Variants in PSMD3 observed in about 807,000 individuals in gnomAD.
The protein encoded by PSMD3 is proteasome 26S subunit, non-ATPase 3.
A neutral mutation model predicts 62.8 loss-of-function variants in PSMD3; 5 were observed. That is an observed-to-expected ratio of 0.08 (90% CI 0.04 to 0.17). The LOEUF (loss-of-function observed/expected upper bound fraction) is 0.17, where lower values mean the gene tolerates loss of function less well. Ranked by LOEUF, PSMD3 falls within the 10% of genes least tolerant of loss-of-function variation. The pLI is 1.00. For missense variants in PSMD3, 524 were observed against 713.6 expected, an observed-to-expected ratio of 0.73 and a Z score of 3.03; for synonymous variants, 265 against 283.9, an observed-to-expected ratio of 0.93 and a Z score of 0.67.
chr17:39,986,476 C>T lies in PSMD3; in HGVS notation c.412-99C>T, dbSNP rs1406851014. 5 of 1,407,280 alleles carry T rather than the reference C, an allele frequency of 3.6e-6. No homozygotes were observed. The Admixed American group carries it at 7.4e-5, about 21-fold the overall frequency. 87.2% of individuals were successfully genotyped at this position (1,407,280 alleles called of 1,614,324 possible). A position where few individuals can be genotyped will look rare whatever the true frequency, so the allele number is the denominator to read the frequency against. On this transcript the variant is annotated intron_variant, in intron 2 of 11. Transcript: ENST00000264639. ...TAACAAAATCTTGGCACATGGTAGACACTCAATAAATATGTTGAAATACAT... is the reference window on the plus strand; with the variant it reads ...TAACAAAATCTTGGCACATGGTAGATACTCAATAAATATGTTGAAATACAT...
rs754304339 is a variant in PSMD3 at position 39,996,692 on chromosome 17, G to C, written c.1476+354G>C. 4.0e-5 allele frequency: 20 copies of C among 494,602 alleles called. No homozygotes were observed. Among genetic ancestry groups the C allele is most frequent in the African/African-American group, 7.7e-5 (4 of 51,680 alleles). 30.6% of individuals were successfully genotyped at this position (494,602 alleles called of 1,614,324 possible). A position where few individuals can be genotyped will look rare whatever the true frequency, so the allele number is the denominator to read the frequency against. ...TAGGGAGGTGTTACCTGTCTTGCTT[G>C]CTTCACAGGGTTGGTAAGATTAAAA... On this transcript the variant is annotated intron_variant, in intron 10 of 11. Transcript: ENST00000264639. This position sits in a 1 kb window ranked among gnomAD's most constrained non-coding sequence, Gnocchi z 5.1.
rs758895520 is a variant in PSMD3, at chr17:39,995,331, A to C, written c.1216+36A>C. Reference sequence around the variant, plus strand: ...GGATCTGAGGGGCTGTTGGAGGAGCAGAAGCCAGGCCAGGGCAAACCTAGT... The same window carrying C: ...GGATCTGAGGGGCTGTTGGAGGAGCCGAAGCCAGGCCAGGGCAAACCTAGT... On this transcript the variant is annotated intron_variant, in intron 8 of 11. Coordinates refer to ENST00000264639, the MANE Select transcript of PSMD3 (RefSeq NM_002809.4). The surrounding 1 kb of genome is among the most constrained non-coding windows in gnomAD (Gnocchi z 4.1). The C allele has an allele frequency of 1.5e-5, 24 of 1,614,116 alleles. No homozygotes were observed. The highest frequency in any genetic ancestry group is 1.9e-5 in the Non-Finnish European group (22 of 1,179,994).
intron 6 of PSMD3, 127 bp from the exon 7 acceptor site, chr17:39,994,827 T>C: frequency 2.6e-6 from 2 of 781,182 alleles, no homozygotes; most frequent in Non-Finnish European, 2.1e-6. Context: ...TCCTCCTCTC[T>C]CTGGGCCTAA....
In PSMD3 at chr17:39,986,612, G is replaced by A. The variant is rs762214384; in HGVS notation, c.449G>A (p.Arg150His). The change falls in exon 3 of 12, where the codon CGC becomes CAC. Residue 150 changes from arginine (R) to histidine (H), a missense_variant. Arg to His is a conservative substitution (Grantham distance 29, BLOSUM62 0). Coordinates refer to ENST00000264639, the MANE Select transcript of PSMD3 (RefSeq NM_002809.4). ...DTEADLQFRP[R>H]TGKAASTPLL... ...GAGGCTGATTTACAGTTCCGTCCCCGCACGGGAAAAGCTGCGTCGACACCC... is the reference window on the plus strand; with the variant it reads ...GAGGCTGATTTACAGTTCCGTCCCCACACGGGAAAAGCTGCGTCGACACCC... The A allele has an allele frequency of 5.0e-6, 8 of 1,614,046 alleles. No homozygotes were observed. The highest frequency in any genetic ancestry group is 6.8e-6 in the Non-Finnish European group (8 of 1,180,028).
chr17:39,986,372 C>T (rs1446479256), intron 2 of PSMD3, among the ~76,000 whole-genome samples: 2 of 152,168 alleles, frequency 1.3e-5, no homozygotes, highest in Non-Finnish European at 1.5e-5. Flanking sequence ...CTGGCACTAC[C>T]GGCGTGAGCC....
At chr17:39,994,904 T>C (rs1980744154) in intron 6 of PSMD3, 50 bp from the exon 7 acceptor site, 3 of 1,524,702 alleles carry the variant, frequency 2.0e-6, no homozygotes, top group Non-Finnish European at 2.7e-6. Context: ...ATTTTCTTCT[T>C]CCGCCCATGG....
intron 2 of PSMD3, among the ~76,000 whole-genome samples, chr17:39,985,318 G>A (rs779194686): frequency 7.9e-5 from 12 of 152,220 alleles, no homozygotes; most frequent in Admixed American, 2.0e-4. Flanking sequence ...GGACTTGGGC[G>A]AGTGACTTCA....
At chr17:39,984,199 CAAA>C (rs34306234) in intron 1 of PSMD3, 92 bp from the exon 2 acceptor site, 7,105 of 314,694 alleles carry the variant, frequency 0.023, no homozygotes, top group Middle Eastern at 0.033. Flanking sequence ...GACTCCGTCT[CAAA>C]AAAAAAAAAA....
In PSMD3 at chr17:39,984,327, C is replaced by G; in HGVS notation, c.254C>G (p.Ala85Gly). The G allele has an allele frequency of 6.2e-7, 1 of 1,613,262 alleles. No homozygotes were observed. The highest frequency in any genetic ancestry group is 8.5e-7 in the Non-Finnish European group (1 of 1,179,860). Reference protein sequence around the residue: ...IKEHVKQLEKAVSGKEPRFVL... With the variant: ...IKEHVKQLEKGVSGKEPRFVL... Reference sequence around the variant, plus strand: ...GAGCACGTGAAACAGCTAGAGAAAGCGGTTTCAGGCAAGGAGCCGAGATTC... The same window carrying G: ...GAGCACGTGAAACAGCTAGAGAAAGGGGTTTCAGGCAAGGAGCCGAGATTC... The change falls in exon 2 of 12, where the codon GCG becomes GGG. Residue 85 changes from alanine to glycine, a missense_variant. By Grantham distance (60) the Ala-to-Gly change is moderately conservative. Coordinates refer to ENST00000264639, the MANE Select transcript of PSMD3 (RefSeq NM_002809.4).
At chr17:39,983,094 G>A (rs1229301693) in intron 1 of PSMD3, among the ~76,000 whole-genome samples, 1 of 151,430 alleles carries the variant, frequency 6.6e-6, no homozygotes, top group African/African-American at 2.4e-5. Flanking sequence ...GTGCAATGGC[G>A]CGATCTCGGC....
In PSMD3 at chr17:39,980,957, T is replaced by A. The variant is rs751655059; in HGVS notation, c.-14T>A. On this transcript the variant is annotated 5_prime_UTR_variant, in exon 1 of 12. Coordinates refer to ENST00000264639, the MANE Select transcript of PSMD3 (RefSeq NM_002809.4). Reference sequence around the variant, plus strand: ...CGGCCTCGGTCCCCGGACTAGGCCGTGACCCCGGGTGCCATGAAGCAGGAG... The same window carrying A: ...CGGCCTCGGTCCCCGGACTAGGCCGAGACCCCGGGTGCCATGAAGCAGGAG... 13 of 1,519,162 alleles carry A rather than the reference T, an allele frequency of 8.6e-6. No homozygotes were observed. In the Admixed American group the frequency reaches 2.9e-4, roughly 34 times the overall value. 94.1% of individuals were successfully genotyped at this position (1,519,162 alleles called of 1,614,324 possible).
chr17:39,991,916 T>A (rs144189137), intron 6 of PSMD3, among the ~76,000 whole-genome samples: 3 of 151,868 alleles, frequency 2.0e-5, no homozygotes, highest in African/African-American at 7.2e-5. Flanking sequence ...TCCCAGCTAC[T>A]TGGGAGGCTG....
At chr17:39,981,916 C>T (rs1980395985) in intron 1 of PSMD3, among the ~76,000 whole-genome samples, 1 of 152,206 alleles carries the variant, frequency 6.6e-6, no homozygotes, top group East Asian at 1.9e-4. Context: ...TTTCGAGTGT[C>T]TGTAGTCCTC....
chr17:39,995,049 C>T lies in PSMD3; in HGVS notation c.1077C>T (p.Pro359=), dbSNP rs985089395. ...RQPSLKRSLM[P]YFLLTQAVRT... is the part of the protein sequence containing the mutation. ...CCTCCCTCAAGCGCTCACTCATGCC[C>T]TATTTCCTTCTGACTCAAGGTAAGG... is the stretch of plus-strand genomic sequence containing the variant. Residue 359 remains proline (P), a synonymous_variant, in exon 7 of 12, where the codon CCC becomes CCT. Transcript: ENST00000264639. The surrounding 1 kb of genome is among the most constrained non-coding windows in gnomAD (Gnocchi z 4.1). 8 of 1,614,150 alleles carry T rather than the reference C, an allele frequency of 5.0e-6. No individual in the cohort carries two copies. The highest frequency in any genetic ancestry group is 6.8e-6 in the Non-Finnish European group (8 of 1,180,036).
Position 39,990,146 on chromosome 17 carries a change from C to T in PSMD3, c.930C>T (p.Thr310=). 6.2e-7 allele frequency: 1 copy of T among 1,614,038 alleles called. No individual in the cohort carries two copies. Among genetic ancestry groups the T allele is most frequent in the Non-Finnish European group, 8.5e-7 (1 of 1,180,022 alleles). ...ACTCAGAGGCCCGGAGAACGATGACCAACGCCCTTCGCAAGGCCCCTCAGC... is the reference window on the plus strand; with the variant it reads ...ACTCAGAGGCCCGGAGAACGATGACTAACGCCCTTCGCAAGGCCCCTCAGC... ...LEYSEARRTM[T]NALRKAPQHT... The change falls in exon 6 of 12, where the codon ACC becomes ACT. Residue 310 remains threonine (T), a synonymous_variant. Transcript: ENST00000264639.
chr17:39,984,340 G>C lies in PSMD3; in HGVS notation c.267G>C (p.Lys89Asn). 1 of 1,613,756 alleles carries C rather than the reference G, an allele frequency of 6.2e-7. No homozygotes were observed. The highest frequency in any genetic ancestry group is 8.5e-7 in the Non-Finnish European group (1 of 1,180,010). The change falls in exon 2 of 12, where the codon AAG becomes AAC. Residue 89 changes from lysine (K) to asparagine (N), a missense_variant. By Grantham distance (94) the Lys-to-Asn change is moderately conservative. Transcript: ENST00000264639. Reference protein sequence around the residue: ...VKQLEKAVSGKEPRFVLRALR... With the variant: ...VKQLEKAVSGNEPRFVLRALR... ...AGCTAGAGAAAGCGGTTTCAGGCAAGGAGCCGAGATTCGTGCTGCGGGCCC... is the reference window on the plus strand; with the variant it reads ...AGCTAGAGAAAGCGGTTTCAGGCAACGAGCCGAGATTCGTGCTGCGGGCCC...
At position 39,986,568 on chromosome 17, in the gene PSMD3, C is replaced by G. The variant is rs1312559556; in HGVS notation, c.412-7C>G. ...GCTTTTCCATGGTAACTTCTGTCCTCTCCTAGCCCATGGACACAGAGGCTG... is the reference window on the plus strand; with the variant it reads ...GCTTTTCCATGGTAACTTCTGTCCTGTCCTAGCCCATGGACACAGAGGCTG... On this transcript the variant is annotated splice_region_variant and splice_polypyrimidine_tract_variant and intron_variant, in intron 2 of 11. Transcript: ENST00000264639. 7 of 1,614,064 alleles carry G rather than the reference C, an allele frequency of 4.3e-6. No individual in the cohort carries two copies. The highest frequency in any genetic ancestry group is 5.9e-6 in the Non-Finnish European group (7 of 1,180,024).
At position 39,980,865 on chromosome 17, in the gene PSMD3, T is replaced by A; in HGVS notation, c.-106T>A. 1 of 1,025,526 alleles carries A rather than the reference T, an allele frequency of 9.8e-7. No individual in the cohort carries two copies. Among genetic ancestry groups the A allele is most frequent in the South Asian group, 1.7e-5 (1 of 57,922 alleles). 63.5% of individuals were successfully genotyped at this position (1,025,526 alleles called of 1,614,324 possible). On this transcript the variant is annotated 5_prime_UTR_variant, in exon 1 of 12. Coordinates refer to ENST00000264639, the MANE Select transcript of PSMD3 (RefSeq NM_002809.4). ...GCTCCGTCATCGTGCGGCCCGACGC[T>A]ATCTCGCGCTCGTGTGCAGGCCCGG...
rs769255809 is a variant in PSMD3 at position 39,994,999 on chromosome 17, C to T, written c.1027C>T (p.Pro343Ser). Residue 343 changes from proline (P) to serine (S), a missense_variant, in exon 7 of 12, where the codon CCT (proline) becomes TCT (serine). Transcript: ENST00000264639. ...IVVELLLGEI[P>S]DRLQFRQPSL... is the part of the protein sequence containing the mutation. Reference sequence around the variant, plus strand: ...GGTGGAGCTGTTGCTGGGGGAGATCCCTGACCGGCTGCAGTTCCGCCAGCC... The same window carrying T: ...GGTGGAGCTGTTGCTGGGGGAGATCTCTGACCGGCTGCAGTTCCGCCAGCC... 6.2e-7 allele frequency: 1 copy of T among 1,614,126 alleles called. No individual in the cohort carries two copies. Among genetic ancestry groups the T allele is most frequent in the South Asian group, 1.1e-5 (1 of 91,076 alleles).
Sources: gnomAD v4.1 joint callset for allele counts (sites outside exome capture counted in the v4.1 genomes callset) on GRCh38, gnomAD v4.1.1 for gene constraint, Gnocchi (gnomAD v3.1) non-coding constraint, MANE v1.5 for transcripts, NCBI Gene and HGNC (gene_info 2026-07-23, HGNC 2026-07-21) for gene names.